The following GRID2 variants were observed in gnomAD, a reference collection of about 807,000 sequenced individuals.
The protein encoded by GRID2 is glutamate ionotropic receptor delta type subunit 2.
A neutral mutation model predicts 114.8 loss-of-function variants in GRID2; 33 were observed. That is an observed-to-expected ratio of 0.29 (90% CI 0.22 to 0.38). GRID2 has a LOEUF of 0.38. Among genes scored for constraint, GRID2 ranks in the 10% least tolerant of loss-of-function variants. The pLI is 1.00. For synonymous variants in GRID2, 505 were observed against 449.9 expected (o/e 1.12, Z -1.55); for missense variants, 1,184 against 1,257.7 (o/e 0.94, Z 0.89).
intron 1 of GRID2, among the ~76,000 whole-genome samples, chr4:92,446,048 C>G (rs548333780): frequency 6.6e-6 from 1 of 152,266 alleles, no homozygotes; most frequent in East Asian, 1.9e-4. Flanking sequence ...CGGGTTCAAG[C>G]GATTCTCATG....
intron 1 of GRID2, among the ~76,000 whole-genome samples, chr4:92,340,146 G>A (rs1727403141): frequency 6.6e-6 from 1 of 151,982 alleles, no homozygotes; most frequent in Non-Finnish European, 1.5e-5. Flanking sequence ...TGAAAATTTG[G>A]AGAAATTATG....
At chr4:93,417,642 G>A (rs1226012113) in intron 9 of GRID2, among the ~76,000 whole-genome samples, 3 of 151,680 alleles carry the variant, frequency 2.0e-5, no homozygotes, top group South Asian at 2.1e-4. Flanking sequence ...CTCCAGCTAC[G>A]TGTGAATTCT....
intron 2 of GRID2, among the ~76,000 whole-genome samples, chr4:92,882,516 C>G (rs1317182483): frequency 6.6e-6 from 1 of 150,934 alleles, no homozygotes; most frequent in Non-Finnish European, 1.5e-5. Context: ...TTTTTAATTT[C>G]AAATGCCTAG....
At chr4:93,476,002 C>T (rs1265442923) in intron 11 of GRID2, among the ~76,000 whole-genome samples, 2 of 151,972 alleles carry the variant, frequency 1.3e-5, no homozygotes, top group African/African-American at 4.8e-5. Context: ...TTTCCCAGCC[C>T]TCATTTCATT....
chr4:92,704,781 C>T (rs115599730), intron 2 of GRID2, among the ~76,000 whole-genome samples: 8,828 of 148,354 alleles, frequency 0.06, 359 homozygotes, highest in East Asian at 0.085. Flanking sequence ...CCCTCCCTCC[C>T]TCCCTCTCTG....
chr4:93,742,168 A>C (rs115526023), intron 14 of GRID2, among the ~76,000 whole-genome samples: 2,315 of 152,276 alleles, frequency 0.015, 75 homozygotes, highest in African/African-American at 0.053. Context: ...ATTGCCCCCA[A>C]ATATACCCTG....
chr4:93,477,626 G>C (rs866098654), intron 11 of GRID2, among the ~76,000 whole-genome samples: 5 of 152,056 alleles, frequency 3.3e-5, no homozygotes, highest in Admixed American at 6.6e-5. Flanking sequence ...AATGGATTTA[G>C]CAGTCCCATA....
At chr4:92,765,997 T>C (rs1042054035) in intron 2 of GRID2, among the ~76,000 whole-genome samples, 1 of 151,746 alleles carries the variant, frequency 6.6e-6, no homozygotes, top group Non-Finnish European at 1.5e-5. Context: ...ACTGACTTAT[T>C]ATATGTAAGT....
chr4:93,525,334 G>A (rs1730777363), intron 13 of GRID2, among the ~76,000 whole-genome samples: 1 of 152,106 alleles, frequency 6.6e-6, no homozygotes, highest in African/African-American at 2.4e-5. Flanking sequence ...AAGGTGAGCA[G>A]AGCATAGTAT....
intron 1 of GRID2, among the ~76,000 whole-genome samples, chr4:93,789,475 T>C (rs1449406386): frequency 6.6e-6 from 1 of 152,196 alleles, no homozygotes; most frequent in African/African-American, 2.4e-5. Flanking sequence ...AATGGTAACT[T>C]AGCCAGTGAC....
intron 2 of GRID2, among the ~76,000 whole-genome samples, chr4:92,771,238 C>T (rs953373939): frequency 1.3e-5 from 2 of 152,176 alleles, no homozygotes; most frequent in African/African-American, 4.8e-5. Flanking sequence ...GTTAGTATCA[C>T]AAGAAATGCC....
At chr4:92,642,967 T>G (rs559945511) in intron 2 of GRID2, among the ~76,000 whole-genome samples, 3 of 151,964 alleles carry the variant, frequency 2.0e-5, no homozygotes, top group African/African-American at 7.2e-5. Flanking sequence ...CTGTTTGTTT[T>G]TGTACCAATA....
chr4:93,131,466 T>A (rs1037949048), intron 4 of GRID2, among the ~76,000 whole-genome samples: 1 of 151,948 alleles, frequency 6.6e-6, no homozygotes, highest in African/African-American at 2.4e-5. Context: ...AAAACAACAT[T>A]TTTAAAATCC....
At chr4:92,492,768 A>G (rs778983954) in intron 1 of GRID2, among the ~76,000 whole-genome samples, 1 of 152,144 alleles carries the variant, frequency 6.6e-6, no homozygotes, top group Non-Finnish European at 1.5e-5. Flanking sequence ...CACCAAAAAA[A>G]TTTTATTATC....
At chr4:93,285,403 T>G (rs1753050976) in intron 8 of GRID2, among the ~76,000 whole-genome samples, 1 of 152,008 alleles carries the variant, frequency 6.6e-6, no homozygotes, top group Admixed American at 6.6e-5. Context: ...ATATAAACCT[T>G]TATCATGAAA....
At chr4:93,744,436 G>A (rs561820169) in intron 14 of GRID2, among the ~76,000 whole-genome samples, 2 of 152,332 alleles carry the variant, frequency 1.3e-5, no homozygotes, top group East Asian at 3.9e-4. Context: ...GGAGGAAGTT[G>A]ATTCCAATCC....
chr4:93,689,777 A>G (rs77772993), intron 14 of GRID2, among the ~76,000 whole-genome samples: 6,260 of 152,180 alleles, frequency 0.041, 197 homozygotes, highest in African/African-American at 0.081. Flanking sequence ...GATATTTTAA[A>G]TGATTAATAA....
intron 2 of GRID2, among the ~76,000 whole-genome samples, chr4:92,896,501 T>C (rs1747172881): frequency 6.6e-6 from 1 of 151,670 alleles, no homozygotes; most frequent in South Asian, 2.1e-4. Flanking sequence ...TGATCATATA[T>C]ATCTATCTTT....
chr4:93,503,472 C>G, intron 12 of GRID2, among the ~76,000 whole-genome samples: 1 of 107,226 alleles, frequency 9.3e-6, no homozygotes, highest in African/African-American at 3.5e-5. Context: ...CTATCCCTCT[C>G]CCCTCCCCCC....
Sources: gnomAD v4.1 joint callset for allele counts (sites outside exome capture counted in the v4.1 genomes callset) on GRCh38, gnomAD v4.1.1 for gene constraint, MANE v1.5 for transcripts, NCBI Gene and HGNC (gene_info 2026-07-23, HGNC 2026-07-21) for gene names.